CCDC144A: variants seen among roughly 807,000 people sequenced by gnomAD.
The protein encoded by CCDC144A is coiled-coil domain containing 144A.
CCDC144A carries 41 observed loss-of-function variants against 143.8 expected under a neutral mutation model. The observed-to-expected ratio is 0.29, with a 90% confidence interval of 0.22 to 0.37. The LOEUF is 0.37. Among genes scored for constraint, CCDC144A ranks in the 10% least tolerant of loss-of-function variants. CCDC144A has a pLI of 1.00. For missense variants in CCDC144A, 637 were observed against 1,488.8 expected (o/e 0.43, Z 9.41); for synonymous variants, 242 against 517.9 (o/e 0.47, Z 7.23).
At chr17:16,699,501 G>GCAA (rs1911606416) in intron 2 of CCDC144A, among the ~76,000 whole-genome samples, 1 of 14,616 alleles carries the variant, frequency 6.8e-5, no homozygotes, top group Non-Finnish European at 1.2e-4. Flanking sequence ...TCAGCCTCCT[G>GCAA]AGTAGCTGGG....
At chr17:16,724,533 T>C (rs901175902) in intron 8 of CCDC144A, among the ~76,000 whole-genome samples, 2 of 147,084 alleles carry the variant, frequency 1.4e-5, no homozygotes, top group African/African-American at 2.5e-5. Flanking sequence ...AAAAAAAAGA[T>C]TGATTGCAGA....
At chr17:16,680,899 A>T in the CCDC144A span, among the ~76,000 whole-genome samples, 1 of 152,086 alleles carries the variant, frequency 6.6e-6, no homozygotes, top group African/African-American at 2.4e-5. Context: ...ATCAAGTAGG[A>T]TGTATTATAC....
intron 15 of CCDC144A, among the ~76,000 whole-genome samples, chr17:16,768,722 A>T (rs1915707672): frequency 6.6e-6 from 1 of 152,164 alleles, no homozygotes; most frequent in Non-Finnish European, 1.5e-5. Flanking sequence ...GCCTGTCAAT[A>T]AGTTATTGCT....
At position 16,691,393 on chromosome 17, in the gene CCDC144A, TTC is replaced by T. The variant is rs1441205525; in HGVS notation, c.344+651_344+652del. On this transcript the variant is annotated intron_variant, in intron 1 of 16. Transcript: ENST00000399273. ...TTGTGGCAGGAAGCCATCACCAGAATTCTGAGTCTCAAGTATGTTAGTTGGAT... is the reference window on the plus strand; with the variant it reads ...TTGTGGCAGGAAGCCATCACCAGAATTGAGTCTCAAGTATGTTAGTTGGAT... Among the ~76,000 whole-genome samples, 3 of 152,278 alleles carry T rather than the reference TTC, an allele frequency of 2.0e-5. No homozygotes were observed. The South Asian group carries it at 6.2e-4, about 32-fold the overall frequency.
the CCDC144A span, among the ~76,000 whole-genome samples, chr17:16,673,490 G>A: frequency 2.0e-5 from 3 of 151,294 alleles, no homozygotes; most frequent in African/African-American, 4.9e-5. Flanking sequence ...GGGTTCAAGC[G>A]ATTCTCCTGC....
the CCDC144A span, among the ~76,000 whole-genome samples, chr17:16,682,896 T>TG: frequency 4.5e-5 from 5 of 111,796 alleles, no homozygotes; most frequent in Non-Finnish European, 7.4e-5. Context: ...TTTTTTTTTT[T>TG]TTTTTTTTTT....
At chr17:16,700,004 A>G (rs961310877) in intron 2 of CCDC144A, among the ~76,000 whole-genome samples, 2 of 152,176 alleles carry the variant, frequency 1.3e-5, no homozygotes, top group Non-Finnish European at 2.9e-5. Flanking sequence ...AACTTAAACA[A>G]TAAAAAATTG....
the CCDC144A span, among the ~76,000 whole-genome samples, chr17:16,671,754 A>T: frequency 1.6e-4 from 25 of 152,244 alleles, no homozygotes; most frequent in African/African-American, 6.0e-4. Context: ...GGGGATAATC[A>T]TTCTCATTTT....
chr17:16,764,756 C>T (rs1192465521), intron 15 of CCDC144A: 1 of 156,862 alleles, frequency 6.4e-6, no homozygotes, highest in African/African-American at 2.4e-5. Context: ...ATTGCTATTG[C>T]ACTTAATAGT....
intron 9 of CCDC144A, among the ~76,000 whole-genome samples, chr17:16,730,980 C>G (rs1487972921): frequency 1.4e-5 from 2 of 147,352 alleles, no homozygotes; most frequent in Non-Finnish European, 3.0e-5. Context: ...CCTGATTGCT[C>G]TGGCTAGGAC....
intron 12 of CCDC144A, among the ~76,000 whole-genome samples, chr17:16,741,514 A>G (rs886676946): frequency 4.6e-5 from 7 of 152,242 alleles, no homozygotes; most frequent in Non-Finnish European, 1.0e-4. Flanking sequence ...GTTGGAAGCC[A>G]CATGGTTATC....
chr17:16,724,509 C>CA (rs1194753881), intron 8 of CCDC144A, among the ~76,000 whole-genome samples: 961 of 65,022 alleles, frequency 0.015, 10 homozygotes, highest in Middle Eastern at 0.032. Flanking sequence ...GACTCCGTCT[C>CA]AAAAAAAAAA....
intron 12 of CCDC144A, chr17:16,746,036 A>G (rs1597578496): frequency 1.2e-6 from 2 of 1,611,558 alleles, no homozygotes; most frequent in East Asian, 2.2e-5. Flanking sequence ...TGTGCTCTTT[A>G]TCACTGCCGC....
intron 6 of CCDC144A, among the ~76,000 whole-genome samples, chr17:16,717,157 A>C (rs954862421): frequency 8.5e-5 from 9 of 105,572 alleles, no homozygotes; most frequent in South Asian, 3.0e-4. Context: ...TCACTCTGTC[A>C]CCAGGCTGGA....
Position 16,709,592 on chromosome 17 carries a change from A to C in CCDC144A, c.1535A>C (p.Glu512Ala), listed in dbSNP as rs1274528015. 1 of 1,611,468 alleles carries C rather than the reference A, an allele frequency of 6.2e-7. No individual in the cohort carries two copies. The highest frequency in any genetic ancestry group is 1.3e-5 in the African/African-American group (1 of 74,852). Residue 512 changes from glutamate (E) to alanine (A), a missense_variant, in exon 5 of 17, where the codon GAG (glutamate) becomes GCG (alanine). Glu to Ala is a moderately radical substitution (Grantham distance 107, BLOSUM62 -1). Coordinates refer to ENST00000399273, the MANE Select transcript of CCDC144A (RefSeq NM_001382000.1). ...AATGAGGTCAACACATTAGAAGAAG[A>C]GTTCCTGGCTTTGAAGAAAGAAGAT... is the stretch of plus-strand genomic sequence containing the variant. ...FKNEVNTLEEEFLALKKEDVQ... is the reference protein window; with the variant it reads ...FKNEVNTLEEAFLALKKEDVQ...
chr17:16,678,395 G>C, the CCDC144A span, among the ~76,000 whole-genome samples: 4 of 151,990 alleles, frequency 2.6e-5, no homozygotes, highest in Non-Finnish European at 5.9e-5. Flanking sequence ...AATAGCCAAG[G>C]CAGTTAGAGT....
intron 15 of CCDC144A, chr17:16,764,751 TA>T (rs1476299435): frequency 6.3e-6 from 1 of 158,820 alleles, no homozygotes; most frequent in Non-Finnish European, 1.4e-5. Flanking sequence ...CTGTAATTGC[TA>T]TTGCACTTAA....
chr17:16,672,641 A>C, the CCDC144A span, among the ~76,000 whole-genome samples: 2 of 152,178 alleles, frequency 1.3e-5, no homozygotes, highest in Non-Finnish European at 2.9e-5. Context: ...ATCGAAACTC[A>C]AAACCAATAA....
intron 15 of CCDC144A, among the ~76,000 whole-genome samples, chr17:16,769,889 G>A (rs1416753297): frequency 6.6e-5 from 10 of 151,164 alleles, no homozygotes; most frequent in East Asian, 2.0e-4. Flanking sequence ...GAGCAGTGGC[G>A]TGATCTCTGC....
Sources: allele counts gnomAD v4.1 joint callset (sites outside exome capture counted in the v4.1 genomes callset), GRCh38; gene constraint gnomAD v4.1.1; transcripts MANE v1.5; gene names NCBI Gene and HGNC (gene_info 2026-07-23, HGNC 2026-07-21).